The following KANSL2 variants were observed in gnomAD, a reference collection of about 807,000 sequenced individuals.
KANSL2 encodes KAT8 regulatory NSL complex subunit 2.
In KANSL2, 34 loss-of-function variants were observed where a neutral mutation model predicts 55.6. That is an observed-to-expected ratio of 0.61 (90% confidence interval 0.46 to 0.81). The LOEUF (loss-of-function observed/expected upper bound fraction) is 0.81. KANSL2 is among the 40% of genes least tolerant of loss of function. KANSL2 has a pLI of 0.00. For synonymous variants in KANSL2, 209 were observed against 214.3 expected, an observed-to-expected ratio of 0.98 and a Z score of 0.22; for missense variants, 502 against 609.9, an observed-to-expected ratio of 0.82 and a Z score of 1.86.
intron 8 of KANSL2, 105 bp downstream of exon 8, chr12:48,660,261 A>G (rs1939463307): frequency 2.5e-6 from 3 of 1,201,148 alleles, no homozygotes. Flanking sequence ...ATCACTTCAA[A>G]AACTTTGTCG....
At position 48,667,807 on chromosome 12, in the gene KANSL2, A is replaced by C. The variant is rs1432990772; in HGVS notation, c.877-18T>G. The C allele has an allele frequency of 2.6e-6, 4 of 1,553,416 alleles. No homozygotes were observed. The highest frequency in any genetic ancestry group is 3.3e-5 in the Admixed American group (2 of 59,704). On this transcript the variant is annotated intron_variant, in intron 6 of 9. Transcript: ENST00000420613. ...GTATGGGCCTGAAATGGAAAAAGAC[A>C]GATAAAATAGACCCACAAAAGAACA...
intron 7 of KANSL2, among the ~76,000 whole-genome samples, chr12:48,665,613 T>G (rs559454780): frequency 6.6e-6 from 1 of 152,290 alleles, no homozygotes; most frequent in South Asian, 2.1e-4. Flanking sequence ...TATTTGGCAT[T>G]TCTTGCCAAG....
intron 8 of KANSL2, among the ~76,000 whole-genome samples, chr12:48,658,415 TAAAAC>T (rs1353586143): frequency 6.6e-6 from 1 of 152,188 alleles, no homozygotes; most frequent in African/African-American, 2.4e-5. Context: ...AAATGCCTAT[TAAAAC>T]AGGAGTGTTT....
chr12:48,665,068 G>T (rs1159380746), intron 7 of KANSL2, among the ~76,000 whole-genome samples: 1 of 151,692 alleles, frequency 6.6e-6, no homozygotes, highest in Non-Finnish European at 1.5e-5. Flanking sequence ...TAGAGATGAG[G>T]TCTTACTGTA....
intron 7 of KANSL2, among the ~76,000 whole-genome samples, chr12:48,664,316 C>T (rs1177470557): frequency 1.3e-5 from 2 of 150,584 alleles, no homozygotes; most frequent in African/African-American, 2.4e-5. Flanking sequence ...TCACATCTGT[C>T]GCCCAGGCTG....
chr12:48,676,125 G>T (rs1188509845), intron 4 of KANSL2, among the ~76,000 whole-genome samples: 1 of 152,036 alleles, frequency 6.6e-6, no homozygotes, highest in African/African-American at 2.4e-5. Context: ...TTTTCTGTGT[G>T]TATGAGATAG....
intron 8 of KANSL2, among the ~76,000 whole-genome samples, chr12:48,655,820 G>A (rs1004298879): frequency 3.3e-5 from 5 of 152,054 alleles, no homozygotes; most frequent in African/African-American, 9.7e-5. Flanking sequence ...CAACACCTTG[G>A]GAAGCCGAAG....
chr12:48,677,784 CAAAA>C (rs56147873), intron 4 of KANSL2, among the ~76,000 whole-genome samples: 2 of 47,670 alleles, frequency 4.2e-5, no homozygotes, highest in African/African-American at 8.7e-5. Context: ...GACTCCATCT[CAAAA>C]AAAAAAAAAA....
At position 48,653,981 on chromosome 12, in the gene KANSL2, A is replaced by G; in HGVS notation, c.*63T>C. On this transcript the variant is annotated 3_prime_UTR_variant, in exon 10 of 10. Coordinates refer to ENST00000420613, the MANE Select transcript of KANSL2 (RefSeq NM_017822.4). ...TGCCTGTGTTTTGTGAGAGATGATC[A>G]GAAATACTTCTTTGAAGAACGAGAA... The G allele has an allele frequency of 6.8e-7, 1 of 1,471,994 alleles. No individual in the cohort carries two copies. The highest frequency in any genetic ancestry group is 9.1e-7 in the Non-Finnish European group (1 of 1,100,004). 91.2% of individuals were successfully genotyped at this position (1,471,994 alleles called of 1,614,324 possible).
Position 48,654,990 on chromosome 12 carries a change from AG to A in KANSL2, c.1297del (p.Glu434LysfsTer4), listed in dbSNP as rs1347961520. On this transcript the variant is annotated frameshift_variant, in exon 9 of 10. Coordinates refer to ENST00000420613, the MANE Select transcript of KANSL2 (RefSeq NM_017822.4). LOFTEE classifies it high-confidence loss of function. ...SPLLFDPSLT[L>X]EDHLVKEIAE... Reference sequence around the variant, plus strand: ...AATTTCTTTGACTAAATGATCTTCAAGGGTTAGTGAAGGATCAAAAAGCAAA... The same window carrying A: ...AATTTCTTTGACTAAATGATCTTCAAGGTTAGTGAAGGATCAAAAAGCAAA... 6.3e-7 allele frequency: 1 copy of A among 1,585,392 alleles called. No homozygotes were observed. The highest frequency in any genetic ancestry group is 8.6e-7 in the Non-Finnish European group (1 of 1,165,588).
At chr12:48,671,645 T>C in intron 5 of KANSL2, 154 bp downstream of exon 5, 1 of 740,334 alleles carries the variant, frequency 1.4e-6, no homozygotes, top group Non-Finnish European at 2.3e-6. Flanking sequence ...TTGCAGGCTA[T>C]ACCACCTACG....
intron 8 of KANSL2, 131 bp from the exon 9 acceptor site, chr12:48,655,191 A>T (rs1268665823): frequency 4.8e-6 from 4 of 828,996 alleles, no homozygotes; most frequent in South Asian, 3.9e-5. Flanking sequence ...TAAAAAAAAA[A>T]TTTTACAAGA....
chr12:48,660,246 T>C, intron 8 of KANSL2, 120 bp downstream of exon 8: 1 of 910,630 alleles, frequency 1.1e-6, no homozygotes. Flanking sequence ...CAACTATACG[T>C]ATATATCACT....
intron 9 of KANSL2, chr12:48,654,617 A>C: frequency 3.7e-6 from 2 of 539,862 alleles, no homozygotes; most frequent in Non-Finnish European, 7.3e-6. Flanking sequence ...CTCCCTCAGA[A>C]GGTATGATTT....
chr12:48,676,387 G>A (rs191871113), intron 4 of KANSL2, among the ~76,000 whole-genome samples: 20 of 152,180 alleles, frequency 1.3e-4, no homozygotes, highest in Non-Finnish European at 2.1e-4. Context: ...ATCACTGGGC[G>A]CACTGGTTCG....
intron 8 of KANSL2, among the ~76,000 whole-genome samples, chr12:48,657,528 C>T (rs1316705979): frequency 6.6e-6 from 1 of 152,202 alleles, no homozygotes; most frequent in Admixed American, 6.6e-5. Context: ...AACTTCTGTA[C>T]TACCCACAGA....
intron 7 of KANSL2, among the ~76,000 whole-genome samples, chr12:48,664,729 C>T (rs901753035): frequency 5.9e-5 from 9 of 151,270 alleles, no homozygotes; most frequent in Admixed American, 2.6e-4. Flanking sequence ...TACAGGAACC[C>T]GCCACCATGC....
chr12:48,675,716 T>G (rs74088105), intron 4 of KANSL2, among the ~76,000 whole-genome samples: 5,401 of 152,292 alleles, frequency 0.035, 143 homozygotes, highest in African/African-American at 0.071. Flanking sequence ...ACCTACTAAA[T>G]GAATGCCGGC....
chr12:48,681,877 G>C (rs1484217508), intron 1 of KANSL2: 2 of 704,228 alleles, frequency 2.8e-6, no homozygotes, highest in African/African-American at 1.7e-5. Flanking sequence ...TGTATCTTCA[G>C]GACTCGCACA....
Sources: gnomAD v4.1 joint callset for allele counts (sites outside exome capture counted in the v4.1 genomes callset) on GRCh38, gnomAD v4.1.1 for gene constraint, MANE v1.5 for transcripts, NCBI Gene and HGNC (gene_info 2026-07-23, HGNC 2026-07-21) for gene names.